The following SLC13A3 variants were observed in gnomAD, a reference collection of about 807,000 sequenced individuals.
The protein encoded by SLC13A3 is Na(+)/dicarboxylate cotransporter 3.
In SLC13A3, 40 loss-of-function variants were observed where a neutral mutation model predicts 59.0. The ratio of observed to expected loss-of-function variants is 0.68; its 90% confidence interval spans 0.53 to 0.88. The LOEUF is 0.88. Ranked by LOEUF, SLC13A3 falls within the 40% of genes least tolerant of loss-of-function variation. The pLI is 0.00. For synonymous variants in SLC13A3, 317 were observed against 330.3 expected, an observed-to-expected ratio of 0.96 and a Z score of 0.44; for missense variants, 699 against 783.2, an observed-to-expected ratio of 0.89 and a Z score of 1.28.
intron 6 of SLC13A3, among the ~76,000 whole-genome samples, chr20:46,591,652 G>C (rs2062258644): frequency 1.3e-5 from 2 of 152,134 alleles, no homozygotes; most frequent in Admixed American, 1.3e-4. Flanking sequence ...TGAGTGATGA[G>C]AGTTGATAAA....
At chr20:46,573,447 C>T (rs1227771445) in intron 10 of SLC13A3, among the ~76,000 whole-genome samples, 5 of 152,182 alleles carry the variant, frequency 3.3e-5, no homozygotes, top group Admixed American at 1.3e-4. Context: ...CTGCATTTCT[C>T]CCTCTGCACT....
upstream of SLC13A3, among the ~76,000 whole-genome samples, chr20:46,670,502 T>C (rs2063085055): frequency 6.6e-6 from 1 of 152,190 alleles, no homozygotes; most frequent in Non-Finnish European, 1.5e-5. Flanking sequence ...AACAAAGACT[T>C]AATAACCACT....
rs763557113 is a variant in SLC13A3 at position 46,610,448 on chromosome 20, G to A, written c.539C>T (p.Thr180Ile). 6.2e-7 allele frequency: 1 copy of A among 1,612,274 alleles called. No homozygotes were observed. The highest frequency in any genetic ancestry group is 8.5e-7 in the Non-Finnish European group (1 of 1,179,008). The change falls in exon 3 of 13, where the codon ACA becomes ATA. Residue 180 changes from threonine (T) to isoleucine (I), a missense_variant and splice_region_variant. Physicochemically the swap from Thr to Ile is moderately conservative, Grantham distance 89. Coordinates refer to ENST00000279027, the MANE Select transcript of SLC13A3 (RefSeq NM_022829.6). ...CCAATCCCTTAGCACAGCCTCACCT[G>A]TGTTCTCTTCACTCTCCTGGCTGGG... ...KDPSQESEEN[T>I]AAVRRNGLHT...
intron 1 of SLC13A3, among the ~76,000 whole-genome samples, chr20:46,634,861 T>A (rs1006659359): frequency 3.3e-5 from 5 of 152,126 alleles, no homozygotes. Flanking sequence ...GGTTCCTTCA[T>A]CTCCCATCAT....
In SLC13A3 at chr20:46,559,682, T is replaced by C; in HGVS notation, c.*340A>G. On this transcript the variant is annotated 3_prime_UTR_variant, in exon 13 of 13. Transcript: ENST00000279027. ...GCTGTGCCCATGGGAATGAATGGCC[T>C]CCTATCCCAACTGTACGAGACAAAC... 4.8e-6 allele frequency: 1 copy of C among 210,028 alleles called. No homozygotes were observed. Among genetic ancestry groups the C allele is most frequent in the Non-Finnish European group, 9.5e-6 (1 of 105,012 alleles). 13.0% of individuals were successfully genotyped at this position (210,028 alleles called of 1,614,324 possible).
chr20:46,612,094 T>C (rs6094396), intron 2 of SLC13A3, among the ~76,000 whole-genome samples: 4,737 of 148,862 alleles, frequency 0.032, 252 homozygotes, highest in African/African-American at 0.11. Flanking sequence ...TCTTTTCTTT[T>C]CTTTCTTTCT....
At chr20:46,660,828 T>C (rs959638167) in intron 1 of SLC13A3, among the ~76,000 whole-genome samples, 6 of 152,200 alleles carry the variant, frequency 3.9e-5, no homozygotes, top group African/African-American at 1.4e-4. Flanking sequence ...TCTTTATTTT[T>C]TTCACTTTTC....
At chr20:46,683,458 G>T (rs954657302) in intron 1 of SLC13A3, among the ~76,000 whole-genome samples, 1 of 152,052 alleles carries the variant, frequency 6.6e-6, no homozygotes, top group Non-Finnish European at 1.5e-5. Context: ...CAGAGAACTC[G>T]CCTGCATAAT....
intron 1 of SLC13A3, among the ~76,000 whole-genome samples, chr20:46,636,721 T>C (rs2062798998): frequency 6.6e-6 from 1 of 152,216 alleles, no homozygotes; most frequent in South Asian, 2.1e-4. Context: ...ATCTTGGCTC[T>C]GTCCTGGATC....
chr20:46,634,706 G>A (rs2062778910), intron 1 of SLC13A3, among the ~76,000 whole-genome samples: 1 of 152,210 alleles, frequency 6.6e-6, no homozygotes, highest in South Asian at 2.1e-4. Context: ...TTGTGGGGGT[G>A]TGCCCTGGAT....
chr20:46,659,588 A>C (rs923476837), intron 1 of SLC13A3, among the ~76,000 whole-genome samples: 5 of 151,812 alleles, frequency 3.3e-5, no homozygotes, highest in Non-Finnish European at 7.4e-5. Flanking sequence ...AGTTGCAGGC[A>C]TCTGTAGTCC....
chr20:46,636,309 G>A (rs1405041744), intron 1 of SLC13A3, among the ~76,000 whole-genome samples: 1 of 152,212 alleles, frequency 6.6e-6, no homozygotes. Context: ...CTGCATAGCT[G>A]AAAGGATTTG....
rs776497838 is a variant in SLC13A3 at position 46,575,594 on chromosome 20, G to A, written c.1311C>T (p.Phe437=). 36 of 1,603,666 alleles carry A rather than the reference G, an allele frequency of 2.2e-5. No homozygotes were observed. Among genetic ancestry groups the A allele is most frequent in the Admixed American group, 3.4e-5 (2 of 59,058 alleles). ...WNIILLLGGG[F]AMAKGCEESG... ...TTACCTCACAGCCTTTGGCCATGGC[G>A]AAGCCCCCTCCCAGGAGAAGGATGA... Residue 437 remains phenylalanine, a synonymous_variant, in exon 10 of 13, where the codon TTC becomes TTT. Coordinates refer to ENST00000279027, the MANE Select transcript of SLC13A3 (RefSeq NM_022829.6).
At chr20:46,660,100 A>G (rs2063020306) in intron 1 of SLC13A3, among the ~76,000 whole-genome samples, 2 of 152,224 alleles carry the variant, frequency 1.3e-5, no homozygotes, top group Non-Finnish European at 2.9e-5. Context: ...TAAACAATCA[A>G]TAGTCTTTAA....
intron 3 of SLC13A3, chr20:46,608,954 A>C: frequency 6.4e-7 from 1 of 1,550,814 alleles, no homozygotes. Context: ...CATCATTTCC[A>C]CTCATATTCC....
chr20:46,672,045 G>A (rs77017381), upstream of SLC13A3, among the ~76,000 whole-genome samples: 3,657 of 152,290 alleles, frequency 0.024, 137 homozygotes, highest in African/African-American at 0.082. Flanking sequence ...CATCCAGAGA[G>A]TCAGGGTCTG....
rs554317423 is a variant in SLC13A3, at chr20:46,596,326, C to G, written c.625G>C (p.Glu209Gln). Residue 209 changes from glutamate (E) to glutamine (Q), a missense_variant, in exon 5 of 13, where the codon GAG becomes CAG. Coordinates refer to ENST00000279027, the MANE Select transcript of SLC13A3 (RefSeq NM_022829.6). Reference sequence around the variant, plus strand: ...GGCAGATCCAGTGGAACCTCTGTCTCCCCAGGGTGGTCTTTGCTTTAAACA... The same window carrying G: ...GGCAGATCCAGTGGAACCTCTGTCTGCCCAGGGTGGTCTTTGCTTTAAACA... ...ASTEAKDHPG[E>Q]TEVPLDLPAD... The G allele has an allele frequency of 6.2e-7, 1 of 1,614,082 alleles. No homozygotes were observed. The highest frequency in any genetic ancestry group is 2.2e-5 in the East Asian group (1 of 44,888).
intron 9 of SLC13A3, among the ~76,000 whole-genome samples, chr20:46,581,039 A>G (rs954489557): frequency 3.9e-5 from 6 of 152,224 alleles, no homozygotes; most frequent in Non-Finnish European, 7.3e-5. Context: ...CACACTGCCT[A>G]TGGGGTAGCC....
chr20:46,575,767 C>T lies in SLC13A3; in HGVS notation c.1220-82G>A, dbSNP rs577585972. ...CCACCAGCCCTGAGCCCCATCTTAC[C>T]GGGGACACTCAGGGGTCCCCAGGAA... is the stretch of plus-strand genomic sequence containing the variant. On this transcript the variant is annotated intron_variant, in intron 9 of 12. Transcript: ENST00000279027. The T allele has an allele frequency of 3.7e-4, 287 of 771,604 alleles. No individual in the cohort carries two copies. The African/African-American group carries it at 4.9e-3, about 13-fold the overall frequency. 47.8% of individuals were successfully genotyped at this position (771,604 alleles called of 1,614,324 possible). A position where few individuals can be genotyped will look rare whatever the true frequency, so the allele number is the denominator to read the frequency against.
Sources: gnomAD v4.1 joint callset for allele counts (sites outside exome capture counted in the v4.1 genomes callset) on GRCh38, gnomAD v4.1.1 for gene constraint, MANE v1.5 for transcripts, NCBI Gene and HGNC (gene_info 2026-07-23, HGNC 2026-07-21) for gene names.